Variants in C5orf22 observed in about 807,000 individuals in gnomAD.
C5orf22 encodes the protein UPF0489 protein C5orf22.
A neutral mutation model predicts 48.7 loss-of-function variants in C5orf22; 36 were observed. That is an observed-to-expected ratio of 0.74 (90% CI 0.57 to 0.98). The LOEUF is 0.98. Ranked by LOEUF, C5orf22 falls within the 50% of genes least tolerant of loss-of-function variation. C5orf22 has a pLI of 0.00. For missense variants in C5orf22, 486 were observed against 521.9 expected (o/e 0.93, Z 0.67); for synonymous variants, 141 against 180.8 (o/e 0.78, Z 1.76).
rs541945348 is a variant in C5orf22 at position 31,553,204 on chromosome 5, G to C, written c.*302G>C. On this transcript the variant is annotated 3_prime_UTR_variant, in exon 9 of 9. Transcript: ENST00000325366. ...TTGTCTTCACTTTTCCCCCAGGTCT[G>C]TTGAGCTGTATGAGATTCATTCATA... 5.3e-4 allele frequency: 139 copies of C among 262,106 alleles called. No individual in the cohort carries two copies. Among genetic ancestry groups the C allele is most frequent in the Middle Eastern group, 1.4e-3 (1 of 718 alleles). 16.2% of individuals were successfully genotyped at this position (262,106 alleles called of 1,614,324 possible). A position where few individuals can be genotyped will look rare whatever the true frequency, so the allele number is the denominator to read the frequency against.
At chr5:31,538,947 C>T (rs529902164) in intron 4 of C5orf22, among the ~76,000 whole-genome samples, 1 of 152,218 alleles carries the variant, frequency 6.6e-6, no homozygotes, top group South Asian at 2.1e-4. Flanking sequence ...CATTATTTTG[C>T]ATTTATTAAT....
intron 3 of C5orf22, among the ~76,000 whole-genome samples, chr5:31,537,822 T>C (rs1387516754): frequency 6.6e-6 from 1 of 152,226 alleles, no homozygotes; most frequent in Non-Finnish European, 1.5e-5. Flanking sequence ...CTGTACACAG[T>C]CCAGGCCTAT....
At chr5:31,534,915 A>AC (rs776623842) in intron 2 of C5orf22, 2 of 408,064 alleles carry the variant, frequency 4.9e-6, no homozygotes, top group African/African-American at 2.1e-5. Flanking sequence ...GTTTACAAAA[A>AC]CAGCCTAGCC....
rs1742457698 is a variant in C5orf22, at chr5:31,541,379, A to G, written c.969A>G (p.Val323=). ...GTGATGGTGATGATGAAGAAACGGT[A>G]CAGAGATGGGCTTCAAACCCTGGGT... is the stretch of plus-strand genomic sequence containing the variant. The part of the protein sequence containing the change: ...DLCDGDDEET[V]QRWASNPGME... The change falls in exon 6 of 9, where the codon GTA becomes GTG. Residue 323 remains valine, a synonymous_variant. Transcript: ENST00000325366. The G allele has an allele frequency of 1.5e-5, 24 of 1,614,142 alleles. No homozygotes were observed. Among genetic ancestry groups the G allele is most frequent in the Non-Finnish European group, 1.9e-5 (22 of 1,179,998 alleles).
rs1463522145 is a variant in C5orf22, at chr5:31,532,357, C to T, written c.-36C>T. On this transcript the variant is annotated 5_prime_UTR_variant, in exon 1 of 9. Coordinates refer to ENST00000325366, the MANE Select transcript of C5orf22 (RefSeq NM_018356.3). ...GGCTTTCCCGGGTCTTCTCCAGCTG[C>T]CACCGCTTTACTGCAAAACTGACGG... 2 of 1,609,802 alleles carry T rather than the reference C, an allele frequency of 1.2e-6. No individual in the cohort carries two copies. Among genetic ancestry groups the T allele is most frequent in the Non-Finnish European group, 1.7e-6 (2 of 1,176,396 alleles).
rs1484680584 is a variant in C5orf22, at chr5:31,534,523, T to A, written c.227+106T>A. On this transcript the variant is annotated intron_variant, in intron 2 of 8. Transcript: ENST00000325366. ...TTTGCTAAACTCATGGGTTTGGGGG[T>A]TTTTTGTTTGTCTTTTTGTCTTTTT... is the stretch of plus-strand genomic sequence containing the variant. The A allele has an allele frequency of 2.9e-6, 3 of 1,029,956 alleles. No homozygotes were observed. In the East Asian group the frequency reaches 7.5e-5, roughly 26 times the overall value. 63.8% of individuals were successfully genotyped at this position (1,029,956 alleles called of 1,614,324 possible).
intron 2 of C5orf22, chr5:31,534,690 CA>C (rs1481797087): frequency 1.3e-4 from 51 of 383,042 alleles, no homozygotes; most frequent in Admixed American, 8.3e-4. Flanking sequence ...ACTGTGTAAA[CA>C]AATGACAGTA....
chr5:31,542,919 A>G (rs1037489027), intron 6 of C5orf22, among the ~76,000 whole-genome samples: 1 of 152,224 alleles, frequency 6.6e-6, no homozygotes, highest in Non-Finnish European at 1.5e-5. Flanking sequence ...ATTAGAATCA[A>G]TAGTACTTTA....
intron 6 of C5orf22, among the ~76,000 whole-genome samples, chr5:31,542,376 C>T (rs1034948097): frequency 1.4e-5 from 2 of 145,196 alleles, no homozygotes; most frequent in Admixed American, 7.2e-5. Flanking sequence ...AGGAAAATGG[C>T]GTGAATCCGG....
chr5:31,548,805 G>A, intron 7 of C5orf22: 2 of 274,808 alleles, frequency 7.3e-6, no homozygotes, highest in Non-Finnish European at 1.4e-5. Flanking sequence ...GAGATTTAAT[G>A]GACTTAGTGT....
At chr5:31,537,024 A>G (rs1736566115) in intron 3 of C5orf22, among the ~76,000 whole-genome samples, 1 of 152,254 alleles carries the variant, frequency 6.6e-6, no homozygotes, top group African/African-American at 2.4e-5. Flanking sequence ...TTGTTGTGAT[A>G]TATGAAAATT....
chr5:31,534,988 C>T, intron 2 of C5orf22: 1 of 454,502 alleles, frequency 2.2e-6, no homozygotes, highest in Non-Finnish European at 4.4e-6. Flanking sequence ...TCTATTTCTG[C>T]ATTTAGTCCA....
At chr5:31,537,100 A>G (rs1182625012) in intron 3 of C5orf22, among the ~76,000 whole-genome samples, 1 of 152,244 alleles carries the variant, frequency 6.6e-6, no homozygotes, top group Non-Finnish European at 1.5e-5. Flanking sequence ...TGTACATACT[A>G]CTGGTATATG....
chr5:31,554,093 G>A lies in C5orf22; in HGVS notation c.*1191G>A, dbSNP rs576996875. 6.6e-6 allele frequency: 1 copy of A among 151,976 alleles called. No individual in the cohort carries two copies. The highest frequency in any genetic ancestry group is 1.5e-5 in the Non-Finnish European group (1 of 68,022). 9.4% of individuals were successfully genotyped at this position (151,976 alleles called of 1,614,324 possible). A position where few individuals can be genotyped will look rare whatever the true frequency, so the allele number is the denominator to read the frequency against. On this transcript the variant is annotated 3_prime_UTR_variant, in exon 9 of 9. Transcript: ENST00000325366. The stretch of plus-strand genomic sequence containing the variant: ...ATCATGAAACTTGATTTTCTCAATT[G>A]GCCAGTCTTCTGATCTTTAGTATCT...
chr5:31,534,125 G>A (rs1741929627), intron 1 of C5orf22, 147 bp from the exon 2 acceptor site: 1 of 702,746 alleles, frequency 1.4e-6, no homozygotes, highest in Non-Finnish European at 2.4e-6. Flanking sequence ...ACCATCTACA[G>A]TAAACAAATT....
chr5:31,543,371 C>G (rs1340418770), intron 6 of C5orf22, among the ~76,000 whole-genome samples: 1 of 152,070 alleles, frequency 6.6e-6, no homozygotes, highest in Non-Finnish European at 1.5e-5. Flanking sequence ...AGTTCGAGAC[C>G]AGCCTGGGTG....
At chr5:31,544,983 T>G (rs1742760977) in intron 6 of C5orf22, among the ~76,000 whole-genome samples, 1 of 152,014 alleles carries the variant, frequency 6.6e-6, no homozygotes, top group Admixed American at 6.6e-5. Context: ...AATTTTTTTT[T>G]TTTTTTTTTA....
intron 8 of C5orf22, among the ~76,000 whole-genome samples, chr5:31,552,067 T>C (rs1743309545): frequency 6.6e-6 from 1 of 152,226 alleles, no homozygotes; most frequent in Non-Finnish European, 1.5e-5. Context: ...TAGAAGGCTT[T>C]ATTCACCCTT....
At chr5:31,549,234 A>G (rs1318395578) in intron 7 of C5orf22, among the ~76,000 whole-genome samples, 1 of 152,044 alleles carries the variant, frequency 6.6e-6, no homozygotes, top group Non-Finnish European at 1.5e-5. Flanking sequence ...AAAGTAAATA[A>G]ATAAAACTGT....
Sources: allele counts gnomAD v4.1 joint callset (sites outside exome capture counted in the v4.1 genomes callset), GRCh38; gene constraint gnomAD v4.1.1; transcripts MANE v1.5; gene names NCBI Gene and HGNC (gene_info 2026-07-23, HGNC 2026-07-21).